Variants in AFF3 observed in about 807,000 individuals in gnomAD.
AFF3 encodes AF4/FMR2 family member 3.
AFF3 carries 32 observed loss-of-function variants against 129.7 expected under a neutral mutation model. That is an observed-to-expected ratio of 0.25 (90% CI 0.19 to 0.33). AFF3 has a LOEUF of 0.33. Among genes scored for constraint, AFF3 ranks in the 10% least tolerant of loss-of-function variants. The pLI is 1.00. For missense variants in AFF3, 1,373 were observed against 1,592.0 expected (o/e 0.86, Z 2.34); for synonymous variants, 644 against 635.4 (o/e 1.01, Z -0.20).
intron 7 of AFF3, among the ~76,000 whole-genome samples, chr2:99,940,151 A>T (rs73964369): frequency 0.035 from 5,290 of 152,248 alleles, 196 homozygotes; most frequent in African/African-American, 0.092. Flanking sequence ...TGTGTGTGTG[A>T]GTGTGCACAG....
intron 12 of AFF3, among the ~76,000 whole-genome samples, chr2:99,656,835 C>T (rs1685789220): frequency 6.6e-6 from 1 of 152,028 alleles, no homozygotes; most frequent in Non-Finnish European, 1.5e-5. Flanking sequence ...TTTCGGATTC[C>T]TAGAAATAAA....
chr2:99,789,695 C>A (rs548714020), intron 8 of AFF3, among the ~76,000 whole-genome samples: 1 of 152,230 alleles, frequency 6.6e-6, no homozygotes, highest in Non-Finnish European at 1.5e-5. Flanking sequence ...ACATCAAGAA[C>A]AGGTCATGTC....
At chr2:99,928,840 A>G (rs1049416060) in intron 7 of AFF3, among the ~76,000 whole-genome samples, 5 of 152,104 alleles carry the variant, frequency 3.3e-5, no homozygotes, top group Admixed American at 2.0e-4. Context: ...GACCTGTCAA[A>G]TTAGTCCAGG....
At chr2:99,725,518 C>T (rs912370887) in intron 11 of AFF3, among the ~76,000 whole-genome samples, 23 of 151,924 alleles carry the variant, frequency 1.5e-4, no homozygotes, top group South Asian at 6.3e-4. Context: ...TTAGTAGAGA[C>T]GAGGTTTTGC....
chr2:99,721,527 C>CAAAAAAAAAAAAG lies in AFF3; in HGVS notation c.1091+5549_1091+5550insCTTTTTTTTTTTT, dbSNP rs60993398. 4.5e-5 allele frequency among the ~76,000 whole-genome samples: 6 copies of CAAAAAAAAAAAAG among 134,408 alleles called. No homozygotes were observed. In the Admixed American group the frequency reaches 4.5e-4, roughly 10 times the overall value. The allele number at this position is 134,408 out of a possible 152,430, so 88.2% of individuals were successfully genotyped here. A position where few individuals can be genotyped will look rare whatever the true frequency, so the allele number is the denominator to read the frequency against. ...CTGGGGACAGAGTGAGACTCTGTCT[C>CAAAAAAAAAAAAG]AAAAAAAAAAAGAAAAAAAAAAAGA... On this transcript the variant is annotated intron_variant, in intron 11 of 24. Coordinates refer to ENST00000672756, the MANE Select transcript of AFF3 (RefSeq NM_001386135.1).
At position 99,867,003 on chromosome 2, in the gene AFF3, A is replaced by AT. The variant is rs1478107805; in HGVS notation, c.874-29480_874-29479insA. On this transcript the variant is annotated intron_variant, in intron 7 of 24. Coordinates refer to ENST00000672756, the MANE Select transcript of AFF3 (RefSeq NM_001386135.1). ...ATAATAATAATAATAATAATAATAA[A>AT]AAATAAATAAAATAAAAATAAAAAA... Among the ~76,000 whole-genome samples, 131 of 99,120 alleles carry AT rather than the reference A, an allele frequency of 1.3e-3. 2 individuals carry two copies. Among genetic ancestry groups the AT allele is most frequent in the African/African-American group, 3.6e-3 (101 of 28,008 alleles). The allele number at this position is 99,120 out of a possible 152,430, so 65.0% of individuals were successfully genotyped here.
In AFF3 at chr2:99,761,012, T is replaced by C. The variant is rs536640504; in HGVS notation, c.922-8711A>G. Among the ~76,000 whole-genome samples, 15 of 151,946 alleles carry C rather than the reference T, an allele frequency of 9.9e-5. No individual in the cohort carries two copies. In the South Asian group the frequency reaches 2.9e-3, roughly 30 times the overall value. On this transcript the variant is annotated intron_variant, in intron 8 of 24. Coordinates refer to ENST00000672756, the MANE Select transcript of AFF3 (RefSeq NM_001386135.1). ...CGGGGCTCATATGATCCTCCTGCTTTGGCCTCCCGAGTAGCTGGAACACAG... is the reference window on the plus strand; with the variant it reads ...CGGGGCTCATATGATCCTCCTGCTTCGGCCTCCCGAGTAGCTGGAACACAG...
intron 7 of AFF3, among the ~76,000 whole-genome samples, chr2:99,947,679 G>A (rs1404215586): frequency 2.0e-5 from 3 of 152,110 alleles, no homozygotes; most frequent in South Asian, 2.1e-4. Context: ...CAGATAGATC[G>A]ATCCAAACAC....
At chr2:100,027,869 T>C (rs1684170949) in intron 4 of AFF3, among the ~76,000 whole-genome samples, 1 of 152,336 alleles carries the variant, frequency 6.6e-6, no homozygotes, top group African/African-American at 2.4e-5. Context: ...ATATTAATGT[T>C]AAGCATATTA....
chr2:99,765,026 C>T (rs754268678), intron 8 of AFF3, among the ~76,000 whole-genome samples: 8 of 152,124 alleles, frequency 5.3e-5, no homozygotes, highest in Non-Finnish European at 7.3e-5. Flanking sequence ...CTTGTCAAAT[C>T]GTGTTAACTC....
At chr2:99,851,005 A>G (rs1162979914) in intron 7 of AFF3, among the ~76,000 whole-genome samples, 1 of 152,232 alleles carries the variant, frequency 6.6e-6, no homozygotes, top group East Asian at 1.9e-4. Context: ...TTAGCAAGCT[A>G]TAAAAGATGC....
chr2:99,896,425 C>T (rs1693948870), intron 7 of AFF3, among the ~76,000 whole-genome samples: 1 of 151,874 alleles, frequency 6.6e-6, no homozygotes, highest in African/African-American at 2.4e-5. Context: ...GTCCATAAGC[C>T]CACTCCTGCC....
intron 13 of AFF3, among the ~76,000 whole-genome samples, chr2:99,642,289 C>CTT (rs113114105): frequency 4.9e-5 from 7 of 144,096 alleles, no homozygotes; most frequent in African/African-American, 1.8e-4. Context: ...TGGTTTTGAT[C>CTT]TTTTTTTTTT....
chr2:100,050,084 C>T (rs1185143883), intron 4 of AFF3, among the ~76,000 whole-genome samples: 5 of 151,590 alleles, frequency 3.3e-5, no homozygotes, highest in South Asian at 2.1e-4. Context: ...TGGTGGCATG[C>T]GCCTGTAGTC....
chr2:99,977,279 G>A (rs182213928), intron 7 of AFF3, among the ~76,000 whole-genome samples: 1 of 152,100 alleles, frequency 6.6e-6, no homozygotes, highest in East Asian at 1.9e-4. Flanking sequence ...CTCCAATGCT[G>A]GGTAGCAGTC....
Position 100,075,273 on chromosome 2 carries a change from A to C in AFF3, c.53+29129T>G, listed in dbSNP as rs1898430. ...CTGACTCCCCAATCCACCTCTTCTA[A>C]AACTCTCTTAAGAAACACCATGATC... On this transcript the variant is annotated intron_variant, in intron 4 of 24. Coordinates refer to ENST00000672756, the MANE Select transcript of AFF3 (RefSeq NM_001386135.1). Among the ~76,000 whole-genome samples, 1,052 of 152,222 alleles carry C rather than the reference A, an allele frequency of 6.9e-3. 14 individuals carry two copies. The highest frequency in any genetic ancestry group is 0.024 in the African/African-American group (990 of 41,538).
intron 4 of AFF3, among the ~76,000 whole-genome samples, chr2:100,061,854 T>TGGGGGG (rs869209436): frequency 1.3e-5 from 1 of 75,762 alleles, no homozygotes; most frequent in African/African-American, 5.5e-5. Flanking sequence ...GGTAGCACAG[T>TGGGGGG]GGAGGGGGGG....
At chr2:99,588,094 C>G (rs1191875982) in intron 15 of AFF3, among the ~76,000 whole-genome samples, 2 of 151,962 alleles carry the variant, frequency 1.3e-5, no homozygotes, top group Non-Finnish European at 2.9e-5. Context: ...TTTTCAATTA[C>G]TATCCCATGA....
At chr2:99,937,101 AT>A (rs919044708) in intron 7 of AFF3, among the ~76,000 whole-genome samples, 5 of 151,820 alleles carry the variant, frequency 3.3e-5, no homozygotes, top group East Asian at 1.9e-4. Context: ...TGGATTTTGG[AT>A]TTTTTTTTGA....
Sources: allele counts gnomAD v4.1 joint callset (sites outside exome capture counted in the v4.1 genomes callset), GRCh38; gene constraint gnomAD v4.1.1; transcripts MANE v1.5; gene names NCBI Gene and HGNC (gene_info 2026-07-23, HGNC 2026-07-21).